The following CDRT4 variants were observed in gnomAD, a reference collection of about 807,000 sequenced individuals.
CDRT4 encodes CMT1A duplicated region transcript 4 protein.
For synonymous variants in CDRT4, 64 were observed against 69.6 expected (o/e 0.92, Z 0.40); for missense variants, 167 against 193.1 (o/e 0.87, Z 0.80).
At chr17:15,457,276 A>T (rs1979529610) in intron 1 of CDRT4, among the ~76,000 whole-genome samples, 3 of 152,146 alleles carry the variant, frequency 2.0e-5, no homozygotes. Flanking sequence ...GTTTGTACTC[A>T]CCAAGAAAAC....
At chr17:15,440,034 C>G (rs1023966264) in intron 3 of CDRT4, among the ~76,000 whole-genome samples, 174 bp downstream of exon 3, 1 of 151,700 alleles carries the variant, frequency 6.6e-6, no homozygotes, top group Non-Finnish European at 1.5e-5. Context: ...CACATGTATA[C>G]ATATGTAACA....
chr17:15,457,483 C>T (rs1979538808), intron 1 of CDRT4, among the ~76,000 whole-genome samples: 1 of 152,220 alleles, frequency 6.6e-6, no homozygotes, highest in African/African-American at 2.4e-5. Context: ...TTTGCAACCA[C>T]AGAGTGGATA....
At chr17:15,438,311 C>A in intron 3 of CDRT4, 111 bp from the exon 4 acceptor site, 1 of 970,594 alleles carries the variant, frequency 1.0e-6, no homozygotes, top group South Asian at 1.7e-5. Context: ...CCCTATTTTG[C>A]ACCCCTTGTA....
chr17:15,437,919 A>G lies in CDRT4; in HGVS notation c.313T>C (p.Tyr105His). 1 of 1,614,110 alleles carries G rather than the reference A, an allele frequency of 6.2e-7. No homozygotes were observed. The highest frequency in any genetic ancestry group is 1.1e-5 in the South Asian group (1 of 91,078). The change falls in exon 4 of 4, where the codon TAT (tyrosine) becomes CAT (histidine). Residue 105 changes from tyrosine (Y) to histidine (H), a missense_variant. Coordinates refer to ENST00000619038, the MANE Select transcript of CDRT4 (RefSeq NM_001204477.2). ...GTAGGAGCCATGGCCAATACCGAAT[A>G]AGCGCCCCACATTGATAACGTGGAT... ...SESTLSMWGA[Y>H]SVLAMAPTMI...
rs1016006019 is a variant in CDRT4, at chr17:15,437,543, G to A, written c.*230C>T. Reference sequence around the variant, plus strand: ...ATCTGCAGCAGAGACTAGAGCCAGGGACTGCCCAAACCCACCAGAGAGCAG... The same window carrying A: ...ATCTGCAGCAGAGACTAGAGCCAGGAACTGCCCAAACCCACCAGAGAGCAG... On this transcript the variant is annotated 3_prime_UTR_variant, in exon 4 of 4. Coordinates refer to ENST00000619038, the MANE Select transcript of CDRT4 (RefSeq NM_001204477.2). The A allele has an allele frequency of 4.3e-5, 25 of 575,086 alleles. No individual in the cohort carries two copies. Among genetic ancestry groups the A allele is most frequent in the South Asian group, 2.0e-4 (9 of 44,208 alleles). 35.6% of individuals were successfully genotyped at this position (575,086 alleles called of 1,614,324 possible).
intron 2 of CDRT4, among the ~76,000 whole-genome samples, chr17:15,452,263 C>T (rs1979296218): frequency 6.6e-6 from 1 of 152,200 alleles, no homozygotes; most frequent in Admixed American, 6.5e-5. Context: ...TTAAAGTTTT[C>T]CCCCATCCAT....
At chr17:15,459,444 T>TC (rs934556445) in intron 1 of CDRT4, among the ~76,000 whole-genome samples, 40 of 137,596 alleles carry the variant, frequency 2.9e-4, no homozygotes, top group Middle Eastern at 3.5e-3. Flanking sequence ...TTTTTCTTTT[T>TC]TTTTTTTTTT....
chr17:15,442,504 T>C (rs1978814291), intron 2 of CDRT4, among the ~76,000 whole-genome samples: 1 of 152,150 alleles, frequency 6.6e-6, no homozygotes, highest in Non-Finnish European at 1.5e-5. Flanking sequence ...CAGCTGGCAG[T>C]ATTTGGAGGG....
chr17:15,444,420 G>T (rs1978921829), intron 2 of CDRT4, among the ~76,000 whole-genome samples: 1 of 152,176 alleles, frequency 6.6e-6, no homozygotes. Flanking sequence ...GATTTGATTG[G>T]AATGGGATGC....
chr17:15,459,475 C>G (rs1400427833), intron 1 of CDRT4, among the ~76,000 whole-genome samples: 2 of 129,970 alleles, frequency 1.5e-5, no homozygotes, highest in Non-Finnish European at 3.1e-5. Flanking sequence ...GACAGAGTCT[C>G]GCTCTGTCAC....
intron 1 of CDRT4, among the ~76,000 whole-genome samples, chr17:15,459,505 C>T (rs567070301): frequency 8.1e-5 from 11 of 135,924 alleles, no homozygotes; most frequent in East Asian, 2.2e-4. Flanking sequence ...AGTGCAGTGG[C>T]GCGATCGCAG....
chr17:15,467,222 G>A (rs750069926), intron 1 of CDRT4, among the ~76,000 whole-genome samples: 6 of 152,306 alleles, frequency 3.9e-5, no homozygotes, highest in Admixed American at 1.3e-4. Context: ...GGAATGGGAC[G>A]AGCTTGTTGG....
intron 2 of CDRT4, chr17:15,443,520 C>T (rs540920107): frequency 2.8e-5 from 5 of 181,612 alleles, no homozygotes; most frequent in Non-Finnish European, 4.5e-5. Flanking sequence ...TGGGCCCAAG[C>T]GATCCTCCCA....
chr17:15,455,045 T>C (rs574933210), intron 1 of CDRT4, among the ~76,000 whole-genome samples: 2 of 151,982 alleles, frequency 1.3e-5, no homozygotes, highest in African/African-American at 4.8e-5. Context: ...TAGATAACAA[T>C]GGCATGCAAC....
intron 2 of CDRT4, among the ~76,000 whole-genome samples, chr17:15,444,730 G>A (rs1978939218): frequency 6.6e-6 from 1 of 150,712 alleles, no homozygotes; most frequent in Non-Finnish European, 1.5e-5. Flanking sequence ...GAGAGAGAGA[G>A]AGAGAGAGAG....
intron 2 of CDRT4, among the ~76,000 whole-genome samples, chr17:15,442,585 C>CA (rs1470808967): frequency 4.6e-5 from 7 of 152,098 alleles, no homozygotes; most frequent in Non-Finnish European, 8.8e-5. Context: ...CAGGAAAGCC[C>CA]AGTCTTACAA....
intron 1 of CDRT4, among the ~76,000 whole-genome samples, chr17:15,454,459 C>G (rs1318606540): frequency 6.6e-6 from 1 of 152,196 alleles, no homozygotes; most frequent in Non-Finnish European, 1.5e-5. Flanking sequence ...ACGAGCCACA[C>G]ACACATGCTT....
chr17:15,457,550 G>A (rs1043048075), intron 1 of CDRT4, among the ~76,000 whole-genome samples: 7 of 152,214 alleles, frequency 4.6e-5, no homozygotes, highest in African/African-American at 1.4e-4. Context: ...GCCAACTGCC[G>A]TAAACCTGTT....
chr17:15,440,469 C>G (rs1305692943), intron 2 of CDRT4, among the ~76,000 whole-genome samples, 184 bp from the exon 3 acceptor site: 1 of 152,128 alleles, frequency 6.6e-6, no homozygotes, highest in Non-Finnish European at 1.5e-5. Flanking sequence ...CCCGCAAAGG[C>G]CTGCAGGCAT....
Sources: allele counts gnomAD v4.1 joint callset (sites outside exome capture counted in the v4.1 genomes callset), GRCh38; gene constraint gnomAD v4.1.1; transcripts MANE v1.5; gene names NCBI Gene and HGNC (gene_info 2026-07-23, HGNC 2026-07-21).